Variants in ABCD2 observed in about 807,000 individuals in gnomAD.
The protein encoded by ABCD2 is ATP-binding cassette sub-family D member 2.
Under a neutral mutation model 70.9 loss-of-function variants are expected in ABCD2, and 36 were observed. The ratio of observed to expected loss-of-function variants is 0.51; its 90% confidence interval spans 0.39 to 0.67. ABCD2 has a LOEUF of 0.67. Ranked by LOEUF, ABCD2 falls within the 30% of genes least tolerant of loss-of-function variation. The pLI, the probability that ABCD2 is intolerant of heterozygous loss-of-function variation, is 0.00. For synonymous variants in ABCD2, 304 were observed against 306.9 expected (o/e 0.99, Z 0.10); for missense variants, 729 against 890.2 (o/e 0.82, Z 2.30).
chr12:39,605,401 C>T (rs903885922), intron 3 of ABCD2, among the ~76,000 whole-genome samples: 1 of 152,102 alleles, frequency 6.6e-6, no homozygotes, highest in Non-Finnish European at 1.5e-5. Context: ...CAAAATTCCT[C>T]TATTTGGCAG....
At chr12:39,598,772 C>T (rs1207737194) in intron 6 of ABCD2, among the ~76,000 whole-genome samples, 4 of 152,154 alleles carry the variant, frequency 2.6e-5, no homozygotes, top group African/African-American at 9.7e-5. Flanking sequence ...GGTTGCATAG[C>T]AGCTTTCTTT....
chr12:39,542,367 G>A, the ABCD2 span, among the ~76,000 whole-genome samples: 11 of 151,836 alleles, frequency 7.2e-5, no homozygotes, highest in Admixed American at 6.6e-4. Flanking sequence ...GGAGGCTGAG[G>A]CAAGAGAATC....
intron 7 of ABCD2, among the ~76,000 whole-genome samples, chr12:39,584,804 C>T (rs1309524088): frequency 6.6e-6 from 1 of 152,032 alleles, no homozygotes; most frequent in African/African-American, 2.4e-5. Flanking sequence ...TTTTTGTCAG[C>T]TTTGTTGAAG....
intron 9 of ABCD2, among the ~76,000 whole-genome samples, chr12:39,568,191 A>C (rs951992801): frequency 6.6e-5 from 10 of 152,172 alleles, no homozygotes; most frequent in Non-Finnish European, 1.2e-4. Flanking sequence ...AGATTGGGGA[A>C]GTTCTCCTGG....
chr12:39,607,255 G>A (rs752578225), intron 3 of ABCD2, among the ~76,000 whole-genome samples: 4 of 152,094 alleles, frequency 2.6e-5, no homozygotes, highest in African/African-American at 7.2e-5. Flanking sequence ...AGACACAGAC[G>A]CTGTAGCGAC....
intron 9 of ABCD2, among the ~76,000 whole-genome samples, chr12:39,566,565 C>G (rs1334534038): frequency 6.6e-6 from 1 of 152,108 alleles, no homozygotes; most frequent in Non-Finnish European, 1.5e-5. Flanking sequence ...TTTTGTTGAT[C>G]TTTTCAAAAA....
intron 9 of ABCD2, among the ~76,000 whole-genome samples, chr12:39,555,518 G>T (rs534748302): frequency 2.6e-5 from 4 of 152,208 alleles, no homozygotes; most frequent in African/African-American, 4.8e-5. Flanking sequence ...CATTGGAGTG[G>T]GTAGGAAGTG....
chr12:39,602,163 A>T (rs1162736412), intron 5 of ABCD2, among the ~76,000 whole-genome samples: 3 of 127,412 alleles, frequency 2.4e-5, no homozygotes, highest in Admixed American at 7.4e-5. Flanking sequence ...TTATTTATTT[A>T]TTTATTTTTT....
intron 2 of ABCD2, among the ~76,000 whole-genome samples, chr12:39,616,468 G>A (rs73096571): frequency 0.014 from 2,111 of 152,134 alleles, 51 homozygotes; most frequent in African/African-American, 0.046. Flanking sequence ...TTCACAAGCA[G>A]AGGAGCCCTT....
At chr12:39,579,698 C>T in intron 7 of ABCD2, 79 bp from the exon 8 acceptor site, 1 of 1,109,824 alleles carries the variant, frequency 9.0e-7, no homozygotes, top group South Asian at 1.5e-5. Flanking sequence ...CAAGTGATTC[C>T]TGACAAATTC....
At chr12:39,560,710 G>A (rs1042348059) in intron 9 of ABCD2, among the ~76,000 whole-genome samples, 1 of 152,042 alleles carries the variant, frequency 6.6e-6, no homozygotes, top group Non-Finnish European at 1.5e-5. Context: ...GGGAGATAAA[G>A]GGTAAAGATT....
At chr12:39,607,467 T>C in intron 3 of ABCD2, 132 bp downstream of exon 3, 2 of 665,386 alleles carry the variant, frequency 3.0e-6, no homozygotes, top group South Asian at 4.0e-5. Context: ...GCCCTTAATC[T>C]TGATTATACG....
intron 6 of ABCD2, among the ~76,000 whole-genome samples, chr12:39,588,565 G>C (rs1037293085): frequency 6.6e-6 from 1 of 152,246 alleles, no homozygotes; most frequent in East Asian, 1.9e-4. Context: ...GCCTTCAGAG[G>C]GCGTGGATTG....
intron 6 of ABCD2, among the ~76,000 whole-genome samples, chr12:39,597,379 A>C (rs1014125232): frequency 2.6e-5 from 4 of 152,190 alleles, no homozygotes; most frequent in African/African-American, 7.2e-5. Flanking sequence ...AGGGGCTTTC[A>C]TGGATGAAGA....
intron 9 of ABCD2, among the ~76,000 whole-genome samples, chr12:39,566,030 C>A (rs1941341291): frequency 6.6e-6 from 1 of 152,140 alleles, no homozygotes; most frequent in South Asian, 2.1e-4. Flanking sequence ...ATTTAGTTTG[C>A]CAGTGTTTTA....
intron 9 of ABCD2, among the ~76,000 whole-genome samples, chr12:39,567,214 T>C (rs1283058301): frequency 6.6e-6 from 1 of 152,214 alleles, no homozygotes; most frequent in Non-Finnish European, 1.5e-5. Flanking sequence ...TTGATCTGTC[T>C]AATGTCGACA....
At chr12:39,575,575 T>C (rs1282450712) in intron 8 of ABCD2, among the ~76,000 whole-genome samples, 1 of 152,194 alleles carries the variant, frequency 6.6e-6, no homozygotes, top group Admixed American at 6.5e-5. Flanking sequence ...TTTAAAATCC[T>C]CTCAAAAAGA....
At chr12:39,574,397 C>G (rs576403445) in intron 8 of ABCD2, among the ~76,000 whole-genome samples, 26 of 152,220 alleles carry the variant, frequency 1.7e-4, no homozygotes, top group Non-Finnish European at 3.4e-4. Flanking sequence ...TGGAACCATA[C>G]TCCAGAATCA....
At chr12:39,566,704 T>G (rs1046707662) in intron 9 of ABCD2, among the ~76,000 whole-genome samples, 22 of 152,322 alleles carry the variant, frequency 1.4e-4, no homozygotes, top group Middle Eastern at 3.4e-3. Flanking sequence ...GCTCCTCTAT[T>G]TCTTTTAATT....
Sources: allele counts gnomAD v4.1 joint callset (sites outside exome capture counted in the v4.1 genomes callset), GRCh38; gene constraint gnomAD v4.1.1; transcripts MANE v1.5; gene names NCBI Gene and HGNC (gene_info 2026-07-23, HGNC 2026-07-21).